Variants in DIAPH1 observed in about 807,000 individuals in gnomAD.
The protein encoded by DIAPH1 is diaphanous related formin 1, also known as protein diaphanous homolog 1.
Under a neutral mutation model 140.7 loss-of-function variants are expected in DIAPH1, and 46 were observed. The observed-to-expected ratio is 0.33, with a 90% CI of 0.26 to 0.42. The LOEUF (loss-of-function observed/expected upper bound fraction) is 0.42, where lower values mean the gene tolerates loss of function less well. DIAPH1 is among the 10% of genes least tolerant of loss of function. The pLI is 1.00. For missense variants in DIAPH1, 1,310 were observed against 1,558.7 expected (o/e 0.84, Z 2.69); for synonymous variants, 565 against 551.6 (o/e 1.02, Z -0.34).
chr5:141,522,300 C>G (rs1245930620), intron 27 of DIAPH1, among the ~76,000 whole-genome samples: 2 of 152,310 alleles, frequency 1.3e-5, no homozygotes, highest in East Asian at 3.9e-4. Context: ...GTATAAGTCT[C>G]CTCCTATTCC....
intron 1 of DIAPH1, among the ~76,000 whole-genome samples, chr5:141,602,582 CCA>C (rs2099900321): frequency 6.6e-6 from 1 of 152,180 alleles, no homozygotes; most frequent in Admixed American, 6.5e-5. Context: ...TAAAAATCGA[CCA>C]CAGTTTCAGT....
intron 1 of DIAPH1, among the ~76,000 whole-genome samples, chr5:141,617,870 G>A (rs1306916801): frequency 6.6e-6 from 1 of 152,190 alleles, no homozygotes; most frequent in Non-Finnish European, 1.5e-5. Context: ...CTTGAGGAAA[G>A]CTTACTCTTC....
chr5:141,540,287 AT>A (rs112618071), intron 18 of DIAPH1, among the ~76,000 whole-genome samples: 7,147 of 141,496 alleles, frequency 0.051, 210 homozygotes, highest in African/African-American at 0.081. Context: ...TGCCTGGCTA[AT>A]TTTTTTTTTT....
chr5:141,582,931 T>C (rs2099896997), intron 6 of DIAPH1, among the ~76,000 whole-genome samples: 2 of 152,330 alleles, frequency 1.3e-5, no homozygotes, highest in South Asian at 2.1e-4. Context: ...AATCAGATTT[T>C]ATTTCCAGAT....
At chr5:141,558,375 C>CA (rs974170469) in intron 18 of DIAPH1, 6 of 152,166 alleles carry the variant, frequency 3.9e-5, no homozygotes, top group Non-Finnish European at 8.8e-5. Context: ...CTATAGCCTG[C>CA]ACTTCCCCAG....
intron 18 of DIAPH1, among the ~76,000 whole-genome samples, chr5:141,555,879 T>C (rs2099892491): frequency 6.6e-6 from 1 of 152,180 alleles, no homozygotes. Flanking sequence ...TAGTGGGAAC[T>C]ATAGTTTCCA....
At position 141,571,999 on chromosome 5, in the gene DIAPH1, C is replaced by T; in HGVS notation, c.2400G>A (p.Lys800=). 6.2e-7 allele frequency: 1 copy of T among 1,614,148 alleles called. No homozygotes were observed. Among genetic ancestry groups the T allele is most frequent in the Non-Finnish European group, 8.5e-7 (1 of 1,180,012 alleles). Reference sequence around the variant, plus strand: ...TGTTCTCAAAGCGGTCCTCCTTCACCTTTGTCCAGAAGCAGTCCTGGGAGA... The same window carrying T: ...TGTTCTCAAAGCGGTCCTCCTTCACTTTTGTCCAGAAGCAGTCCTGGGAGA... The part of the protein sequence containing the change: ...EDLSQDCFWT[K]VKEDRFENNE... Residue 800 remains lysine, a synonymous_variant, in exon 17 of 28, where the codon AAG becomes AAA. Transcript: ENST00000389054.
intron 18 of DIAPH1, among the ~76,000 whole-genome samples, chr5:141,559,475 G>C (rs1021594813): frequency 6.6e-6 from 1 of 152,016 alleles, no homozygotes; most frequent in Admixed American, 6.6e-5. Flanking sequence ...CAAACCTAAA[G>C]GACAAGAACA....
At chr5:141,595,596 C>G (rs1271352791) in intron 1 of DIAPH1, among the ~76,000 whole-genome samples, 1 of 152,176 alleles carries the variant, frequency 6.6e-6, no homozygotes, top group Admixed American at 6.5e-5. Flanking sequence ...ATTTCCCCCG[C>G]TTGCACTCAC....
chr5:141,541,932 A>G (rs1437196130), intron 18 of DIAPH1, among the ~76,000 whole-genome samples: 1 of 152,194 alleles, frequency 6.6e-6, no homozygotes, highest in East Asian at 1.9e-4. Flanking sequence ...CATAGAACAT[A>G]AAATTCAACA....
chr5:141,617,629 C>T (rs777165787), intron 1 of DIAPH1, among the ~76,000 whole-genome samples: 6 of 152,090 alleles, frequency 3.9e-5, no homozygotes, highest in African/African-American at 7.2e-5. Flanking sequence ...GGCATAAATA[C>T]CTGGAAGAGA....
At chr5:141,520,674 G>T (rs1435893632) in intron 27 of DIAPH1, among the ~76,000 whole-genome samples, 6 of 152,004 alleles carry the variant, frequency 3.9e-5, no homozygotes, top group African/African-American at 1.5e-4. Flanking sequence ...ATACAAAATA[G>T]ACTAACACAG....
intron 1 of DIAPH1, among the ~76,000 whole-genome samples, chr5:141,616,239 T>G (rs1318007084): frequency 6.6e-6 from 1 of 152,206 alleles, no homozygotes; most frequent in African/African-American, 2.4e-5. Flanking sequence ...AGAGCAGATC[T>G]CAGACAATTT....
intron 18 of DIAPH1, chr5:141,564,289 T>C (rs1350691378): frequency 2.6e-5 from 4 of 152,224 alleles, no homozygotes; most frequent in East Asian, 3.8e-4. Context: ...GAGGGCAGTA[T>C]ACTAATCAGC....
intron 18 of DIAPH1, among the ~76,000 whole-genome samples, chr5:141,568,327 T>C (rs1165849954): frequency 6.6e-6 from 1 of 150,930 alleles, no homozygotes; most frequent in African/African-American, 2.4e-5. Flanking sequence ...ATTGGACCTA[T>C]TTCCAAGAAA....
intron 18 of DIAPH1, among the ~76,000 whole-genome samples, chr5:141,548,151 A>AT (rs1364742184): frequency 6.6e-6 from 1 of 151,926 alleles, no homozygotes; most frequent in African/African-American, 2.4e-5. Flanking sequence ...ATGAGCTATG[A>AT]TTGCGCCACT....
In DIAPH1 at chr5:141,534,324, G is replaced by A; in HGVS notation, c.2581+11C>T. On this transcript the variant is annotated intron_variant, in intron 19 of 27. Transcript: ENST00000389054. ...TCACATTTTGAATAGTTGGGACCAA[G>A]AGATACTCACAGAGATTCTGGGCTG... The A allele has an allele frequency of 6.3e-7, 1 of 1,593,372 alleles. No homozygotes were observed. Among genetic ancestry groups the A allele is most frequent in the Non-Finnish European group, 8.6e-7 (1 of 1,161,568 alleles).
intron 1 of DIAPH1, among the ~76,000 whole-genome samples, chr5:141,593,943 G>A (rs1215576218): frequency 1.3e-5 from 2 of 152,152 alleles, no homozygotes; most frequent in Non-Finnish European, 2.9e-5. Context: ...GGGATTACAG[G>A]CGCATGCCAC....
At chr5:141,596,682 T>C (rs1230365237) in intron 1 of DIAPH1, among the ~76,000 whole-genome samples, 2 of 152,234 alleles carry the variant, frequency 1.3e-5, no homozygotes, top group South Asian at 2.1e-4. Flanking sequence ...AAACTTACAA[T>C]GTGATTCACA....
Sources: gnomAD v4.1 joint callset for allele counts (sites outside exome capture counted in the v4.1 genomes callset) on GRCh38, gnomAD v4.1.1 for gene constraint, MANE v1.5 for transcripts, NCBI Gene and HGNC (gene_info 2026-07-23, HGNC 2026-07-21) for gene names.